The following TSPYL2 variants were observed in gnomAD, a reference collection of about 807,000 sequenced individuals.
TSPYL2 encodes testis-specific Y-encoded-like protein 2.
TSPYL2 carries 9 observed loss-of-function variants against 33.0 expected under a neutral mutation model. The ratio of observed to expected loss-of-function variants is 0.27; its 90% CI spans 0.16 to 0.48. The LOEUF is 0.48. Ranked by LOEUF, TSPYL2 falls within the 20% of genes least tolerant of loss-of-function variation. The pLI, the probability that TSPYL2 is intolerant of heterozygous loss-of-function variation, is 0.99. For synonymous variants in TSPYL2, 330 were observed against 233.6 expected (o/e 1.41, Z -3.77); for missense variants, 636 against 586.2 (o/e 1.08, Z -0.88).
chrX:53,086,402 C>T (rs1386251609), intron 6 of TSPYL2, 92 bp downstream of exon 6: 2 of 896,676 alleles, frequency 2.2e-6, no homozygotes, highest in Non-Finnish European at 3.2e-6. Context: ...TGAACACAAT[C>T]TGCTTTTATG....
chrX:53,083,598 G>A (rs1932681986), intron 1 of TSPYL2, among the ~76,000 whole-genome samples: 1 of 108,268 alleles, frequency 9.2e-6, no homozygotes, highest in South Asian at 4.2e-4. Flanking sequence ...GATCACAGAT[G>A]ATAAAAAGGG....
intron 5 of TSPYL2, 31 bp downstream of exon 5, chrX:53,085,352 T>G (rs782590989): frequency 6.2e-6 from 7 of 1,124,694 alleles, no homozygotes; most frequent in Non-Finnish European, 6.0e-6. Flanking sequence ...GAGAGGTGGT[T>G]TGTTGGGGAT....
Position 53,083,319 on chromosome X carries a change from C to A in TSPYL2, c.807+14C>A, listed in dbSNP as rs782647294. 5 of 1,184,372 alleles carry A rather than the reference C, an allele frequency of 4.2e-6. No homozygotes were observed. Among genetic ancestry groups the A allele is most frequent in the Non-Finnish European group, 3.4e-6 (3 of 876,162 alleles). ...TGGGTCAAAGCAGTATCCTTCTAATCGATACTCCGTAGGTCAGAAGCCCGT... is the reference window on the plus strand; with the variant it reads ...TGGGTCAAAGCAGTATCCTTCTAATAGATACTCCGTAGGTCAGAAGCCCGT... On this transcript the variant is annotated intron_variant, in intron 1 of 6. Coordinates refer to ENST00000375442, the MANE Select transcript of TSPYL2 (RefSeq NM_022117.4).
chrX:53,085,161 G>C, intron 4 of TSPYL2, 62 bp downstream of exon 4: 1 of 1,183,313 alleles, frequency 8.5e-7, no homozygotes, highest in Non-Finnish European at 1.1e-6. Flanking sequence ...GGTGCGTGGG[G>C]AATTAAGAGG....
At chrX:53,086,782 G>T in intron 6 of TSPYL2, 1 of 133,904 alleles carries the variant, frequency 7.5e-6, no homozygotes, top group Non-Finnish European at 1.4e-5. Flanking sequence ...GGGGGTGGCG[G>T]GGGAAGAGCT....
chrX:53,084,881 C>G lies in TSPYL2; in HGVS notation c.997+15C>G. On this transcript the variant is annotated intron_variant, in intron 3 of 6. Coordinates refer to ENST00000375442, the MANE Select transcript of TSPYL2 (RefSeq NM_022117.4). ...CAACCGCTCAGGTAAGTGGCAGTAC[C>G]AGAGTAAATCCATGTTCCCCCCCTC... The G allele has an allele frequency of 8.3e-7, 1 of 1,208,709 alleles. No individual in the cohort carries two copies. Among genetic ancestry groups the G allele is most frequent in the Non-Finnish European group, 1.1e-6 (1 of 893,244 alleles).
At chrX:53,087,651 G>A (rs1051431629) in intron 6 of TSPYL2, 125 bp from the exon 7 acceptor site, 1 of 687,806 alleles carries the variant, frequency 1.5e-6, no homozygotes, top group Non-Finnish European at 2.2e-6. Context: ...AAGCAGAGGC[G>A]CTGACAAGTT....
rs1932793017 is a variant in TSPYL2 at position 53,088,140 on chromosome X, T to C, written c.*201T>C. 2.3e-6 allele frequency: 1 copy of C among 432,622 alleles called. No homozygotes were observed. The highest frequency in any genetic ancestry group is 4.0e-6 in the Non-Finnish European group (1 of 250,726). The allele number at this position is 432,622 out of a possible 1,213,427, so 35.7% of individuals were successfully genotyped here. The stretch of plus-strand genomic sequence containing the variant: ...GGGAGGGAAAGGGGGCTAGTCCCCT[T>C]CTTTTGGCCCTCCGCCCCCGCAGGC... On this transcript the variant is annotated 3_prime_UTR_variant, in exon 7 of 7. Transcript: ENST00000375442.
In TSPYL2 at chrX:53,084,442, G is replaced by A; in HGVS notation, c.808-103G>A. The A allele has an allele frequency of 4.3e-6, 3 of 696,013 alleles. No individual in the cohort carries two copies. In the East Asian group the frequency reaches 9.7e-5, roughly 22 times the overall value. 57.4% of individuals were successfully genotyped at this position (696,013 alleles called of 1,213,427 possible). On this transcript the variant is annotated intron_variant, in intron 1 of 6. Transcript: ENST00000375442. ...TTATACACACCACATAAGCACAGAA[G>A]GAATCCTCATGCTCCAGCCTCTCTT...
rs1343300598 is a variant in TSPYL2 at position 53,088,361 on chromosome X, T to A, written c.*422T>A. 1 of 128,080 alleles carries A rather than the reference T, an allele frequency of 7.8e-6. No individual in the cohort carries two copies. Among genetic ancestry groups the A allele is most frequent in the Non-Finnish European group, 1.6e-5 (1 of 62,979 alleles). The allele number at this position is 128,080 out of a possible 1,213,427, so 10.6% of individuals were successfully genotyped here. On this transcript the variant is annotated 3_prime_UTR_variant, in exon 7 of 7. Coordinates refer to ENST00000375442, the MANE Select transcript of TSPYL2 (RefSeq NM_022117.4). ...CATGGAGGCGCTGCTGCCACCTTCC[T>A]CTCCCAAGTTCTTTCTCCATCCCTC...
Position 53,088,407 on chromosome X carries a change from T to G in TSPYL2, c.*468T>G. 1 of 122,957 alleles carries G rather than the reference T, an allele frequency of 8.1e-6. No individual in the cohort carries two copies. Among genetic ancestry groups the G allele is most frequent in the Non-Finnish European group, 1.7e-5 (1 of 58,784 alleles). 10.1% of individuals were successfully genotyped at this position (122,957 alleles called of 1,213,427 possible). ...CCCTCTCCTCTTCCCGCCGCGCCGC[T>G]AGCCCGCCTCGGTGTCTATGCAAGG... is the stretch of plus-strand genomic sequence containing the variant. On this transcript the variant is annotated 3_prime_UTR_variant, in exon 7 of 7. Transcript: ENST00000375442.
rs199912508 is a variant in TSPYL2, at chrX:53,084,713, TGGG to T, written c.886-35_886-33del. 5.4e-6 allele frequency: 6 copies of T among 1,109,571 alleles called. No individual in the cohort carries two copies. The East Asian group carries it at 1.2e-4, about 23-fold the overall frequency. The allele number at this position is 1,109,571 out of a possible 1,213,427, so 91.4% of individuals were successfully genotyped here. A position where few individuals can be genotyped will look rare whatever the true frequency, so the allele number is the denominator to read the frequency against. On this transcript the variant is annotated intron_variant, in intron 2 of 6. Transcript: ENST00000375442. ...GTGGGTGGGAAGGGCCGTGGTGTGT[TGGG>T]GGGGGGACAGATTCCACCATCACCC...
chrX:53,087,607 A>G, intron 6 of TSPYL2, 169 bp from the exon 7 acceptor site: 6 of 467,114 alleles, frequency 1.3e-5, no homozygotes, highest in Non-Finnish European at 2.2e-5. Context: ...GGCTTGCTTG[A>G]GTACACCCAC....
At chrX:53,084,195 C>CA (rs1259540915) in intron 1 of TSPYL2, among the ~76,000 whole-genome samples, 4 of 112,093 alleles carry the variant, frequency 3.6e-5, no homozygotes, top group African/African-American at 1.3e-4. Context: ...GGACCTTCAA[C>CA]ACCCATACAT....
In TSPYL2 at chrX:53,086,240, T is replaced by G; in HGVS notation, c.1848T>G (p.Asp616Glu). The G allele has an allele frequency of 8.3e-7, 1 of 1,211,317 alleles. No individual in the cohort carries two copies. Among genetic ancestry groups the G allele is most frequent in the Non-Finnish European group, 1.1e-6 (1 of 895,426 alleles). Residue 616 changes from aspartate (D) to glutamate (E), a missense_variant, in exon 6 of 7, where the codon GAT becomes GAG. By Grantham distance (45) the Asp-to-Glu change is conservative. Transcript: ENST00000375442. ...AAGTTATTGAAGACTTTGACAAGGA[T>G]CAGGCTGACTACGAGGACGTGATAG... The part of the protein sequence containing the change: ...YEKVIEDFDK[D>E]QADYEDVIEI...
In TSPYL2 at chrX:53,082,398, G is replaced by C. The variant is rs923669693; in HGVS notation, c.-101G>C. ...AGGTGGTGAGGAGAGCTGGTTGCGT[G>C]AGTCTCCTCAGCTCTGCTTACCGGT... On this transcript the variant is annotated 5_prime_UTR_variant, in exon 1 of 7. Coordinates refer to ENST00000375442, the MANE Select transcript of TSPYL2 (RefSeq NM_022117.4). The C allele has an allele frequency of 2.3e-5, 19 of 817,133 alleles. No homozygotes were observed. The highest frequency in any genetic ancestry group is 8.4e-5 in the Admixed American group (2 of 23,831). The allele number at this position is 817,133 out of a possible 1,213,427, so 67.3% of individuals were successfully genotyped here.
At position 53,085,021 on chromosome X, in the gene TSPYL2, C is replaced by G. The variant is rs145261169; in HGVS notation, c.1065C>G (p.His355Gln). 3 of 1,211,738 alleles carry G rather than the reference C, an allele frequency of 2.5e-6. No individual in the cohort carries two copies. In the South Asian group the frequency reaches 5.3e-5, roughly 21 times the overall value. Residue 355 changes from histidine to glutamine, a missense_variant, in exon 4 of 7, where the codon CAC becomes CAG. Transcript: ENST00000375442. ...HRGQEPQARR[H>Q]GNQDASHSFF... is the part of the protein sequence containing the mutation. The stretch of plus-strand genomic sequence containing the variant: ...GCCAGGAACCCCAGGCCCGTCGTCA[C>G]GGGAACCAGGATGCGAGCCACAGCT...
At chrX:53,087,486 T>C (rs1569229798) in intron 6 of TSPYL2, 1 of 289,769 alleles carries the variant, frequency 3.5e-6, no homozygotes, top group Non-Finnish European at 6.2e-6. Context: ...GAGACACACA[T>C]TGAGGAGTAC....
intron 1 of TSPYL2, among the ~76,000 whole-genome samples, chrX:53,083,829 G>A (rs1419303858): frequency 9.0e-6 from 1 of 111,458 alleles, no homozygotes; most frequent in Non-Finnish European, 1.9e-5. Context: ...TGGCTGGAGT[G>A]CCTTGCATTG....
Sources: gnomAD v4.1 joint callset for allele counts (sites outside exome capture counted in the v4.1 genomes callset) on GRCh38, gnomAD v4.1.1 for gene constraint, MANE v1.5 for transcripts, NCBI Gene and HGNC (gene_info 2026-07-23, HGNC 2026-07-21) for gene names.